CD9: variants seen among roughly 807,000 people sequenced by gnomAD.
The protein encoded by CD9 is CD9 molecule.
A neutral mutation model predicts 31.4 loss-of-function variants in CD9; 10 were observed. The ratio of observed to expected loss-of-function variants is 0.32; its 90% CI spans 0.20 to 0.54. The LOEUF (loss-of-function observed/expected upper bound fraction) is 0.54. Among genes scored for constraint, CD9 ranks in the 20% least tolerant of loss-of-function variants. The pLI, the probability that CD9 is intolerant of heterozygous loss-of-function variation, is 0.94. For synonymous variants in CD9, 113 were observed against 114.1 expected (o/e 0.99, Z 0.06); for missense variants, 259 against 300.1 (o/e 0.86, Z 1.01).
In CD9 at chr12:6,236,293, G is replaced by A. The variant is rs755285616; in HGVS notation, c.621+18G>A. 28 of 1,609,432 alleles carry A rather than the reference G, an allele frequency of 1.7e-5. No individual in the cohort carries two copies. Among genetic ancestry groups the A allele is most frequent in the African/African-American group, 5.3e-5 (4 of 74,828 alleles). On this transcript the variant is annotated intron_variant, in intron 7 of 7. Coordinates refer to ENST00000009180, the MANE Select transcript of CD9 (RefSeq NM_001769.4). ...TGGTCATGGTGAGTGGCAGGACGTC[G>A]TCCCAGGAGGGGGACTGAGGAGTTC...
At chr12:6,224,353 A>G (rs368669324) in intron 1 of CD9, among the ~76,000 whole-genome samples, 2 of 152,042 alleles carry the variant, frequency 1.3e-5, no homozygotes, top group African/African-American at 4.8e-5. Context: ...AAATCCCCTT[A>G]TGCTCCTGGG....
chr12:6,226,376 T>C (rs1045975328), intron 2 of CD9: 5 of 152,236 alleles, frequency 3.3e-5, no homozygotes, highest in Non-Finnish European at 7.3e-5. Context: ...AAACTTTTCA[T>C]TTGTGAGGAA....
In CD9 at chr12:6,232,074, C is replaced by A. The variant is rs1455186244; in HGVS notation, c.176-558C>A. The A allele has an allele frequency of 1.2e-5, 2 of 168,834 alleles. No individual in the cohort carries two copies. The highest frequency in any genetic ancestry group is 2.6e-5 in the Non-Finnish European group (2 of 76,838). The allele number at this position is 168,834 out of a possible 1,614,324, so 10.5% of individuals were successfully genotyped here. A position where few individuals can be genotyped will look rare whatever the true frequency, so the allele number is the denominator to read the frequency against. ...GTGTTCCTAACTGTATGTGCCTAAC[C>A]ACCACCCAGCAACAGGGCAAAGAGG... On this transcript the variant is annotated intron_variant, in intron 2 of 7. Transcript: ENST00000009180. The surrounding 1 kb of genome is among the most constrained non-coding windows in gnomAD (Gnocchi z 4.8).
At chr12:6,237,026 T>C (rs1267402138) in intron 7 of CD9, among the ~76,000 whole-genome samples, 1 of 152,254 alleles carries the variant, frequency 6.6e-6, no homozygotes, top group Non-Finnish European at 1.5e-5. Context: ...TCGCCCAGGC[T>C]GGAGTGCAGT....
intron 1 of CD9, among the ~76,000 whole-genome samples, chr12:6,224,471 GGGAAAGGAGAGGA>G (rs1477629671): frequency 1.3e-5 from 2 of 152,276 alleles, no homozygotes; most frequent in Admixed American, 6.5e-5. Flanking sequence ...CATATCGTAA[GGGAAAGGAGAGGA>G]GGAAAGGAGG....
intron 1 of CD9, among the ~76,000 whole-genome samples, chr12:6,218,642 A>G (rs1320139448): frequency 6.6e-6 from 1 of 152,122 alleles, no homozygotes; most frequent in Non-Finnish European, 1.5e-5. Context: ...TCCTCCTTTG[A>G]AATTGGAAAT....
At chr12:6,227,490 G>T (rs530263627) in intron 2 of CD9, among the ~76,000 whole-genome samples, 1 of 152,120 alleles carries the variant, frequency 6.6e-6, no homozygotes, top group Non-Finnish European at 1.5e-5. Flanking sequence ...GAGCCACCTC[G>T]CCCGGCTGGA....
intron 1 of CD9, among the ~76,000 whole-genome samples, chr12:6,210,067 G>A (rs1228481705): frequency 2.0e-5 from 3 of 152,204 alleles, no homozygotes; most frequent in African/African-American, 7.2e-5. Flanking sequence ...TGGGAGGCTG[G>A]CACTCTCCTC....
Position 6,235,932 on chromosome 12 carries a change from T to G in CD9, c.538-260T>G, listed in dbSNP as rs911987318. 8.6e-6 allele frequency: 12 copies of G among 1,395,028 alleles called. No individual in the cohort carries two copies. The African/African-American group carries it at 1.7e-4, about 20-fold the overall frequency. 86.4% of individuals were successfully genotyped at this position (1,395,028 alleles called of 1,614,324 possible). On this transcript the variant is annotated intron_variant, in intron 6 of 7. Transcript: ENST00000009180. ...AGTAAAAGGTGACCTTACAACCATGTCAGAAATAGACCCCCAAGCAGGGCC... is the reference window on the plus strand; with the variant it reads ...AGTAAAAGGTGACCTTACAACCATGGCAGAAATAGACCCCCAAGCAGGGCC...
rs1280720648 is a variant in CD9, at chr12:6,232,670, C to T, written c.214C>T (p.Leu72=). 1.3e-6 allele frequency: 2 copies of T among 1,582,940 alleles called. No homozygotes were observed. Among genetic ancestry groups the T allele is most frequent in the Non-Finnish European group, 1.7e-6 (2 of 1,167,344 alleles). The part of the protein sequence containing the change: ...ILIGAGALMM[L]VGFLGCCGAV... The stretch of plus-strand genomic sequence containing the variant: ...GATCGGAGCCGGCGCCCTCATGATG[C>T]TGGTGGGCTTCCTGGGCTGCTGCGG... Residue 72 remains leucine (L), a synonymous_variant, in exon 3 of 8, where the codon CTG becomes TTG. Coordinates refer to ENST00000009180, the MANE Select transcript of CD9 (RefSeq NM_001769.4). The surrounding 1 kb of genome is among the most constrained non-coding windows in gnomAD (Gnocchi z 4.8).
chr12:6,200,248 CG>C (rs1236894129), upstream of CD9: 347 of 44,796 alleles, frequency 7.7e-3, no homozygotes, highest in South Asian at 0.032. Context: ...GGGCGGGGGG[CG>C]GGGGGGGTGC....
At chr12:6,213,647 C>T (rs1298001558) in intron 1 of CD9, among the ~76,000 whole-genome samples, 1 of 152,212 alleles carries the variant, frequency 6.6e-6, no homozygotes, top group Non-Finnish European at 1.5e-5. Flanking sequence ...ACACCTAGAA[C>T]ACCTACACCC....
chr12:6,232,991 T>C lies in CD9; in HGVS notation c.273+262T>C, dbSNP rs566078624. ...TCTCGAGGACCACGTTTGCTTTTTT[T>C]CCCTGAATCCACAGGTACCTTTGCC... is the stretch of plus-strand genomic sequence containing the variant. On this transcript the variant is annotated intron_variant, in intron 3 of 7. Coordinates refer to ENST00000009180, the MANE Select transcript of CD9 (RefSeq NM_001769.4). This position sits in a 1 kb window ranked among gnomAD's most constrained non-coding sequence, Gnocchi z 4.8. 5.7e-6 allele frequency: 4 copies of C among 702,438 alleles called. No homozygotes were observed. Among genetic ancestry groups the C allele is most frequent in the East Asian group, 2.7e-5 (1 of 37,292 alleles). The allele number at this position is 702,438 out of a possible 1,614,324, so 43.5% of individuals were successfully genotyped here.
In CD9 at chr12:6,237,923, T is replaced by G. The variant is rs1946542184; in HGVS notation, c.*95T>G. The G allele has an allele frequency of 5.3e-6, 5 of 936,176 alleles. No homozygotes were observed. The highest frequency in any genetic ancestry group is 6.8e-6 in the Non-Finnish European group (4 of 589,240). The allele number at this position is 936,176 out of a possible 1,614,324, so 58.0% of individuals were successfully genotyped here. A position where few individuals can be genotyped will look rare whatever the true frequency, so the allele number is the denominator to read the frequency against. ...TGTTTTGTTTGTTGTTTGTTGTTTG[T>G]TTTTTTGCCACTAATTTTAGTATTC... On this transcript the variant is annotated 3_prime_UTR_variant, in exon 8 of 8. Transcript: ENST00000009180.
At chr12:6,206,825 T>A (rs1351690665) in intron 1 of CD9, among the ~76,000 whole-genome samples, 1 of 152,222 alleles carries the variant, frequency 6.6e-6, no homozygotes. Context: ...GGAAATTCCT[T>A]TTTAGGGAAT....
intron 1 of CD9, among the ~76,000 whole-genome samples, chr12:6,209,847 G>T (rs1170617818): frequency 6.6e-6 from 1 of 151,958 alleles, no homozygotes; most frequent in Non-Finnish European, 1.5e-5. Flanking sequence ...ACCATGCCCG[G>T]CTAATTTTTG....
At chr12:6,214,522 A>G (rs1035902154) in intron 1 of CD9, among the ~76,000 whole-genome samples, 5 of 150,910 alleles carry the variant, frequency 3.3e-5, no homozygotes, top group African/African-American at 1.2e-4. Context: ...AAGTTTTTGT[A>G]TTTTTTAGTA....
intron 1 of CD9, among the ~76,000 whole-genome samples, chr12:6,219,444 T>C (rs1946272122): frequency 1.3e-5 from 2 of 152,156 alleles, no homozygotes; most frequent in Non-Finnish European, 2.9e-5. Context: ...TTAATGGGGC[T>C]TCCTTAGTAT....
chr12:6,212,237 G>A (rs377431400), intron 1 of CD9, among the ~76,000 whole-genome samples: 3 of 152,142 alleles, frequency 2.0e-5, no homozygotes, highest in African/African-American at 7.2e-5. Context: ...CTGTGACCAC[G>A]GGCAAGTCGC....
Sources: allele counts gnomAD v4.1 joint callset (sites outside exome capture counted in the v4.1 genomes callset), GRCh38; gene constraint gnomAD v4.1.1; non-coding constraint Gnocchi (gnomAD v3.1); transcripts MANE v1.5; gene names NCBI Gene and HGNC (gene_info 2026-07-23, HGNC 2026-07-21).